Variants in CARS1 observed in about 807,000 individuals in gnomAD.
CARS1 encodes the protein cysteinyl-tRNA synthetase 1, also known as cysteine--tRNA ligase, cytoplasmic.
Under a neutral mutation model 106.2 loss-of-function variants are expected in CARS1, and 48 were observed. The observed-to-expected ratio is 0.45, with a 90% CI of 0.36 to 0.57. The LOEUF (loss-of-function observed/expected upper bound fraction) is 0.57, where lower values mean the gene tolerates loss of function less well. CARS1 is among the 20% of genes least tolerant of loss of function. The probability of loss-of-function intolerance (pLI) is 0.00; values close to 1 mark genes in which losing one functional copy is unlikely to be tolerated. For synonymous variants in CARS1, 409 were observed against 403.4 expected, an observed-to-expected ratio of 1.01 and a Z score of -0.17; for missense variants, 968 against 1,057.2, an observed-to-expected ratio of 0.92 and a Z score of 1.17.
Position 3,017,981 on chromosome 11 carries a change from G to C in CARS1, c.1630-27C>G, listed in dbSNP as rs747955361. On this transcript the variant is annotated intron_variant, in intron 14 of 22. Transcript: ENST00000380525. The surrounding 1 kb of genome is among the most constrained non-coding windows in gnomAD (Gnocchi z 4.9). ...TGAAGTTAGAAAAATCAGTTTAACA[G>C]CATTTAGGCAACTTTTCCATCCTGA... 2 of 1,463,018 alleles carry C rather than the reference G, an allele frequency of 1.4e-6. No individual in the cohort carries two copies. Among genetic ancestry groups the C allele is most frequent in the Admixed American group, 3.4e-5 (2 of 58,474 alleles). 90.6% of individuals were successfully genotyped at this position (1,463,018 alleles called of 1,614,324 possible).
chr11:3,038,847 G>C lies in CARS1; in HGVS notation c.651+347C>G, dbSNP rs1423622047. ...TATAGCTTTTGTATCTTGGGCAGAAGTTTCTGATTTAGTTGTAACCTTGGC... is the reference window on the plus strand; with the variant it reads ...TATAGCTTTTGTATCTTGGGCAGAACTTTCTGATTTAGTTGTAACCTTGGC... On this transcript the variant is annotated intron_variant, in intron 6 of 22. Coordinates refer to ENST00000380525, the MANE Select transcript of CARS1 (RefSeq NM_001014437.3). This position sits in a 1 kb window ranked among gnomAD's most constrained non-coding sequence, Gnocchi z 4.0. Among the ~76,000 whole-genome samples the C allele has an allele frequency of 1.3e-5, 2 of 152,214 alleles. No individual in the cohort carries two copies. Among genetic ancestry groups the C allele is most frequent in the Non-Finnish European group, 2.9e-5 (2 of 68,028 alleles).
At position 3,037,966 on chromosome 11, in the gene CARS1, A is replaced by G; in HGVS notation, c.801+84T>C. 1 of 1,338,892 alleles carries G rather than the reference A, an allele frequency of 7.5e-7. No homozygotes were observed. Among genetic ancestry groups the G allele is most frequent in the Non-Finnish European group, 1.0e-6 (1 of 967,374 alleles). The allele number at this position is 1,338,892 out of a possible 1,614,324, so 82.9% of individuals were successfully genotyped here. A position where few individuals can be genotyped will look rare whatever the true frequency, so the allele number is the denominator to read the frequency against. On this transcript the variant is annotated intron_variant, in intron 7 of 22. Transcript: ENST00000380525. This position sits in a 1 kb window ranked among gnomAD's most constrained non-coding sequence, Gnocchi z 5.9. ...TGTCTTCCACTAAGACAATCTGTGG[A>G]ATCAATCCGTGCACACAGATCAGTC... is the stretch of plus-strand genomic sequence containing the variant.
chr11:3,037,380 G>A lies in CARS1; in HGVS notation c.801+670C>T, dbSNP rs888935605. ...CAGTGGTGAGGGAAGGCAGGGCTGC[G>A]GCCTCAGTGGGGCCTCTTTTTCTAC... On this transcript the variant is annotated intron_variant, in intron 7 of 22. Coordinates refer to ENST00000380525, the MANE Select transcript of CARS1 (RefSeq NM_001014437.3). This position sits in a 1 kb window ranked among gnomAD's most constrained non-coding sequence, Gnocchi z 5.9. Among the ~76,000 whole-genome samples, 8 of 152,202 alleles carry A rather than the reference G, an allele frequency of 5.3e-5. No individual in the cohort carries two copies. The highest frequency in any genetic ancestry group is 3.8e-4 in the East Asian group (2 of 5,202).
intron 9 of CARS1, chr11:3,027,913 C>T (rs902452042): frequency 5.1e-5 from 23 of 451,286 alleles, no homozygotes; most frequent in African/African-American, 2.8e-4. Context: ...GAAGACTCTG[C>T]TCCTCCACCT....
intron 9 of CARS1, chr11:3,027,033 C>T: frequency 6.4e-6 from 3 of 469,920 alleles, no homozygotes; most frequent in Non-Finnish European, 7.6e-6. Flanking sequence ...TGCCTGGCGT[C>T]CTGTGACCCA....
chr11:3,047,960 C>G lies in CARS1; in HGVS notation c.67G>C (p.Ala23Pro), dbSNP rs752464878. 6.2e-7 allele frequency: 1 copy of G among 1,614,118 alleles called. No homozygotes were observed. The highest frequency in any genetic ancestry group is 1.1e-5 in the South Asian group (1 of 91,090). ...RSILSISDEA[A>P]RAQALNEHLS... is the part of the protein sequence containing the mutation. ...TGCTCGTTCAGGGCTTGTGCCCTGG[C>G]TGCCTCGTCACTAATGCTCAGAATG... is the stretch of plus-strand genomic sequence containing the variant. Residue 23 changes from alanine (A) to proline (P), a missense_variant, in exon 2 of 23, where the codon GCC becomes CCC. By Grantham distance (27) the Ala-to-Pro change is conservative. Transcript: ENST00000380525.
Position 3,037,954 on chromosome 11 carries a change from G to C in CARS1, c.801+96C>G. ...GGAGACACAGAGTGTCTTCCACTAA[G>C]ACAATCTGTGGAATCAATCCGTGCA... On this transcript the variant is annotated intron_variant, in intron 7 of 22. Transcript: ENST00000380525. The surrounding 1 kb of genome is among the most constrained non-coding windows in gnomAD (Gnocchi z 5.9). The C allele has an allele frequency of 7.8e-7, 1 of 1,281,974 alleles. No individual in the cohort carries two copies. The highest frequency in any genetic ancestry group is 1.1e-6 in the Non-Finnish European group (1 of 921,394). 79.4% of individuals were successfully genotyped at this position (1,281,974 alleles called of 1,614,324 possible). A position where few individuals can be genotyped will look rare whatever the true frequency, so the allele number is the denominator to read the frequency against.
intron 1 of CARS1, 39 bp downstream of exon 1, chr11:3,057,304 C>T (rs755482923): frequency 4.6e-5 from 73 of 1,590,658 alleles, no homozygotes; most frequent in Admixed American, 8.5e-5. Context: ...CCAGTCAGGC[C>T]CCCAGCCGCC....
In CARS1 at chr11:3,053,005, C is replaced by A. The variant is rs1259618117; in HGVS notation, c.25+4338G>T. ...AACACATTGAGGGACATGGGAATGT[C>A]CCAAAGGTGGATGGTGGTTGTCACC... On this transcript the variant is annotated intron_variant, in intron 1 of 22. Coordinates refer to ENST00000380525, the MANE Select transcript of CARS1 (RefSeq NM_001014437.3). The surrounding 1 kb of genome is among the most constrained non-coding windows in gnomAD (Gnocchi z 6.6). 6.6e-6 allele frequency among the ~76,000 whole-genome samples: 1 copy of A among 152,214 alleles called. No individual in the cohort carries two copies. Among genetic ancestry groups the A allele is most frequent in the Non-Finnish European group, 1.5e-5 (1 of 68,044 alleles).
intron 10 of CARS1, among the ~76,000 whole-genome samples, chr11:3,026,030 G>A (rs1852039510): frequency 6.6e-6 from 1 of 152,192 alleles, no homozygotes; most frequent in South Asian, 2.1e-4. Context: ...ATGACATCTT[G>A]TCTTTTACAG....
chr11:3,028,361 T>G lies in CARS1; in HGVS notation c.1031+635A>C. The G allele has an allele frequency of 2.3e-6, 1 of 440,438 alleles. No individual in the cohort carries two copies. Among genetic ancestry groups the G allele is most frequent in the Non-Finnish European group, 4.0e-6 (1 of 247,668 alleles). 27.3% of individuals were successfully genotyped at this position (440,438 alleles called of 1,614,324 possible). On this transcript the variant is annotated intron_variant, in intron 9 of 22. Transcript: ENST00000380525. This position sits in a 1 kb window ranked among gnomAD's most constrained non-coding sequence, Gnocchi z 4.4. The stretch of plus-strand genomic sequence containing the variant: ...CCCCGGGCCCAGCTGTCTTCTCTTT[T>G]ATCTCTTTGTCTTGTGTCTTTATTT...
At chr11:3,054,995 G>A in intron 1 of CARS1, 5 of 702,484 alleles carry the variant, frequency 7.1e-6, no homozygotes, top group Non-Finnish European at 1.0e-5. Flanking sequence ...TCAGGCTCTT[G>A]GACAGGCACC....
At position 3,008,894 on chromosome 11, in the gene CARS1, C is replaced by T. The variant is rs1409829362; in HGVS notation, c.2069-1935G>A. The T allele has an allele frequency of 6.6e-6, 1 of 152,272 alleles. No homozygotes were observed. The highest frequency in any genetic ancestry group is 1.5e-5 in the Non-Finnish European group (1 of 68,118). 9.4% of individuals were successfully genotyped at this position (152,272 alleles called of 1,614,324 possible). A position where few individuals can be genotyped will look rare whatever the true frequency, so the allele number is the denominator to read the frequency against. On this transcript the variant is annotated intron_variant, in intron 18 of 22. Coordinates refer to ENST00000380525, the MANE Select transcript of CARS1 (RefSeq NM_001014437.3). This position sits in a 1 kb window ranked among gnomAD's most constrained non-coding sequence, Gnocchi z 5.1. The stretch of plus-strand genomic sequence containing the variant: ...TCATTAGAAGGAAGGCAAGCCAGCA[C>T]CTGTGGTCACTGTCACGGGTGTCAT...
rs111251575 is a variant in CARS1 at position 3,048,992 on chromosome 11, T to C, written c.26-991A>G. 2.0e-3 allele frequency among the ~76,000 whole-genome samples: 301 copies of C among 152,362 alleles called. 1 individual carries two copies. Among genetic ancestry groups the C allele is most frequent in the African/African-American group, 6.9e-3 (285 of 41,584 alleles). ...CCCTAACTTTCACCACTGCCAGCTGTAGACAAGGCCGCCTTGACACATGCA... is the reference window on the plus strand; with the variant it reads ...CCCTAACTTTCACCACTGCCAGCTGCAGACAAGGCCGCCTTGACACATGCA... On this transcript the variant is annotated intron_variant, in intron 1 of 22. Transcript: ENST00000380525. This position sits in a 1 kb window ranked among gnomAD's most constrained non-coding sequence, Gnocchi z 5.1.
chr11:3,023,673 C>G (rs561275530), intron 10 of CARS1, among the ~76,000 whole-genome samples: 3 of 147,010 alleles, frequency 2.0e-5, no homozygotes, highest in African/African-American at 7.6e-5. Flanking sequence ...GAATTATAGG[C>G]ATGAGCTATA....
In CARS1 at chr11:3,020,841, C is replaced by A. The variant is rs1461379453; in HGVS notation, c.1154-509G>T. 6.6e-6 allele frequency among the ~76,000 whole-genome samples: 1 copy of A among 152,170 alleles called. No homozygotes were observed. Among genetic ancestry groups the A allele is most frequent in the Non-Finnish European group, 1.5e-5 (1 of 68,036 alleles). ...AGCTGCTGTGTACTACTGCAGGGAA[C>A]CTGGTGGCAGTGCAGTGGTGAAGGG... is the stretch of plus-strand genomic sequence containing the variant. On this transcript the variant is annotated intron_variant, in intron 10 of 22. Coordinates refer to ENST00000380525, the MANE Select transcript of CARS1 (RefSeq NM_001014437.3). This position sits in a 1 kb window ranked among gnomAD's most constrained non-coding sequence, Gnocchi z 4.6.
chr11:3,012,058 A>T (rs1484179090), intron 18 of CARS1, 137 bp downstream of exon 18: 4 of 771,958 alleles, frequency 5.2e-6, no homozygotes, highest in Non-Finnish European at 6.7e-6. Context: ...ATGCCGTTCA[A>T]CACCCTGTGG....
Position 3,040,964 on chromosome 11 carries a change from A to C in CARS1, c.387T>G (p.Asp129Glu). 6.2e-7 allele frequency: 1 copy of C among 1,614,124 alleles called. No homozygotes were observed. ...AGCAATACCACGTCACCTTTTTCCC[A>C]TCTTGAGGTATGAACACTTCCTTTG... The part of the protein sequence containing the change: ...TRNKEVFIPQ[D>E]GKKVTWYCCG... Residue 129 changes from aspartate (D) to glutamate (E), a missense_variant, in exon 4 of 23, where the codon GAT becomes GAG. Transcript: ENST00000380525. The surrounding 1 kb of genome is among the most constrained non-coding windows in gnomAD (Gnocchi z 5.8).
At position 3,028,907 on chromosome 11, in the gene CARS1, C is replaced by T. The variant is rs2071101; in HGVS notation, c.1031+89G>A. Reference sequence around the variant, plus strand: ...CAGCCCCAGAACACCTGCTCCTCTGCTTCCCAAACTCAGGCTCAGAGCTGG... The same window carrying T: ...CAGCCCCAGAACACCTGCTCCTCTGTTTCCCAAACTCAGGCTCAGAGCTGG... On this transcript the variant is annotated intron_variant, in intron 9 of 22. Transcript: ENST00000380525. This position sits in a 1 kb window ranked among gnomAD's most constrained non-coding sequence, Gnocchi z 4.4. 28,726 of 908,756 alleles carry T rather than the reference C, an allele frequency of 0.032. 4,630 individuals are homozygous for T. The East Asian group carries it at 0.44, about 14-fold the overall frequency. 56.3% of individuals were successfully genotyped at this position (908,756 alleles called of 1,614,324 possible).
Sources: allele counts gnomAD v4.1 joint callset (sites outside exome capture counted in the v4.1 genomes callset), GRCh38; gene constraint gnomAD v4.1.1; non-coding constraint Gnocchi (gnomAD v3.1); transcripts MANE v1.5; gene names NCBI Gene and HGNC (gene_info 2026-07-23, HGNC 2026-07-21).